The following CAGE1 variants were observed in gnomAD, a reference collection of about 807,000 sequenced individuals.
CAGE1 encodes cancer antigen 1.
In CAGE1, 66 loss-of-function variants were observed where a neutral mutation model predicts 94.9. That is an observed-to-expected ratio of 0.70 (90% CI 0.57 to 0.85). The LOEUF (loss-of-function observed/expected upper bound fraction) is 0.85. CAGE1 is among the 40% of genes least tolerant of loss of function. The pLI is 0.00. For missense variants in CAGE1, 865 were observed against 950.4 expected (o/e 0.91, Z 1.18); for synonymous variants, 319 against 321.0 (o/e 0.99, Z 0.07).
At chr6:7,376,520 G>A (rs1760751274) in intron 4 of CAGE1, among the ~76,000 whole-genome samples, 1 of 152,074 alleles carries the variant, frequency 6.6e-6, no homozygotes, top group Non-Finnish European at 1.5e-5. Flanking sequence ...TGACAGCACA[G>A]AGACCCTCGA....
intron 11 of CAGE1, among the ~76,000 whole-genome samples, chr6:7,352,290 C>CAAAAAAAAAAAACAACAAAAAAAAA (rs1759798360): frequency 6.9e-5 from 3 of 43,642 alleles, no homozygotes; most frequent in Non-Finnish European, 1.7e-4. Flanking sequence ...ACAATAGCTG[C>CAAAAAAAAAAAACAACAAAAAAAAA]AAAAAAAAAA....
At chr6:7,388,636 T>C (rs774078588) in intron 1 of CAGE1, among the ~76,000 whole-genome samples, 1 of 152,238 alleles carries the variant, frequency 6.6e-6, no homozygotes, top group Non-Finnish European at 1.5e-5. Context: ...TTTCAATTTA[T>C]AGTCATTACT....
At chr6:7,328,932 A>T (rs868443326) in intron 13 of CAGE1, among the ~76,000 whole-genome samples, 21,859 of 103,222 alleles carry the variant, frequency 0.21, 2,865 homozygotes, top group East Asian at 0.38. Flanking sequence ...ATATATATAT[A>T]TATTTTTTTT....
chr6:7,351,130 C>A (rs181648556), intron 11 of CAGE1, among the ~76,000 whole-genome samples: 13 of 152,080 alleles, frequency 8.5e-5, no homozygotes, highest in African/African-American at 3.1e-4. Context: ...ACAACTGACA[C>A]CACTGAAATA....
intron 3 of CAGE1, among the ~76,000 whole-genome samples, chr6:7,384,490 G>C (rs528963434): frequency 1.3e-5 from 2 of 151,682 alleles, no homozygotes; most frequent in African/African-American, 4.8e-5. Context: ...TGTAGGGCCC[G>C]GTGTGGTGGC....
chr6:7,376,238 A>C (rs1033282605), intron 4 of CAGE1, among the ~76,000 whole-genome samples: 10 of 151,298 alleles, frequency 6.6e-5, no homozygotes, highest in Non-Finnish European at 1.5e-4. Flanking sequence ...AAATACAAAA[A>C]ATTAGCTGGG....
rs1022018839 is a variant in CAGE1, at chr6:7,344,877, ACT to A, written c.2369+10162_2369+10163del. Among the ~76,000 whole-genome samples, 136 of 152,108 alleles carry A rather than the reference ACT, an allele frequency of 8.9e-4. 1 individual carries two copies. The highest frequency in any genetic ancestry group is 5.6e-3 in the Admixed American group (86 of 15,282). On this transcript the variant is annotated intron_variant, in intron 11 of 13. Transcript: ENST00000502583. Reference sequence around the variant, plus strand: ...GGCCTTGGAGAACCTTTGTGTCGACACTCTGTATCTAGCTAATCTGGTGGGGA... The same window carrying A: ...GGCCTTGGAGAACCTTTGTGTCGACACTGTATCTAGCTAATCTGGTGGGGA...
intron 9 of CAGE1, among the ~76,000 whole-genome samples, chr6:7,360,715 G>C (rs563314682): frequency 6.6e-6 from 1 of 152,084 alleles, no homozygotes; most frequent in African/African-American, 2.4e-5. Context: ...AGGCCAAGGC[G>C]GGTGAATCAC....
At chr6:7,351,520 A>G (rs983352765) in intron 11 of CAGE1, among the ~76,000 whole-genome samples, 2 of 132,164 alleles carry the variant, frequency 1.5e-5, no homozygotes, top group African/African-American at 6.6e-5. Flanking sequence ...CCTAAAACTT[A>G]AAGTATAATA....
chr6:7,388,030 C>A (rs1761185678), intron 1 of CAGE1, among the ~76,000 whole-genome samples: 2 of 45,682 alleles, frequency 4.4e-5, no homozygotes, highest in African/African-American at 6.6e-5. Context: ...AAGACTCCAT[C>A]TCAAAAAAAA....
At chr6:7,354,086 GA>G (rs890448213) in intron 11 of CAGE1, among the ~76,000 whole-genome samples, 4 of 147,432 alleles carry the variant, frequency 2.7e-5, no homozygotes, top group Non-Finnish European at 4.5e-5. Context: ...ATAACCTACG[GA>G]AAAAAAACAA....
At chr6:7,333,591 A>T (rs1054429198) in intron 12 of CAGE1, among the ~76,000 whole-genome samples, 7 of 104,200 alleles carry the variant, frequency 6.7e-5, no homozygotes, top group Non-Finnish European at 8.9e-5. Context: ...AAATTGAGAT[A>T]AGGAAAAGAG....
intron 11 of CAGE1, among the ~76,000 whole-genome samples, chr6:7,345,583 C>T (rs375040331): frequency 9.2e-5 from 14 of 152,288 alleles, no homozygotes; most frequent in South Asian, 4.1e-4. Flanking sequence ...AACAATGTCA[C>T]TAATAGCTTT....
In CAGE1 at chr6:7,339,867, C is replaced by G. The variant is rs1759102634; in HGVS notation, c.2370-5777G>C. On this transcript the variant is annotated intron_variant, in intron 11 of 13. Coordinates refer to ENST00000502583, the MANE Select transcript of CAGE1 (RefSeq NM_001170692.2). The surrounding 1 kb of genome is among the most constrained non-coding windows in gnomAD (Gnocchi z 4.7). ...CATATTTTGGTAATTTCAAATTGTG[C>G]TGCTATAAACATGCATGTGCAAGTA... Among the ~76,000 whole-genome samples the G allele has an allele frequency of 2.0e-5, 3 of 152,184 alleles. No homozygotes were observed.
At chr6:7,379,551 T>C (rs796540175) in intron 3 of CAGE1, among the ~76,000 whole-genome samples, 27 of 152,350 alleles carry the variant, frequency 1.8e-4, no homozygotes, top group African/African-American at 5.0e-4. Flanking sequence ...CTAAATGCTA[T>C]GCTATACTAT....
intron 11 of CAGE1, among the ~76,000 whole-genome samples, chr6:7,346,678 C>T (rs113221240): frequency 0.025 from 3,688 of 148,800 alleles, 79 homozygotes; most frequent in Non-Finnish European, 0.039. Flanking sequence ...AAAACCCTGT[C>T]TCTACTGAAA....
At position 7,339,080 on chromosome 6, in the gene CAGE1, A is replaced by T. The variant is rs1759073568; in HGVS notation, c.2370-4990T>A. The T allele has an allele frequency of 6.3e-7, 1 of 1,599,816 alleles. No homozygotes were observed. Among genetic ancestry groups the T allele is most frequent in the Admixed American group, 1.7e-5 (1 of 59,962 alleles). On this transcript the variant is annotated intron_variant, in intron 11 of 13. Coordinates refer to ENST00000502583, the MANE Select transcript of CAGE1 (RefSeq NM_001170692.2). The surrounding 1 kb of genome is among the most constrained non-coding windows in gnomAD (Gnocchi z 4.7). Reference sequence around the variant, plus strand: ...CAGCAGTGTCAACGTAGTAGTTAACAGGGTCTCTGCTGTGGATCATCAGGC... The same window carrying T: ...CAGCAGTGTCAACGTAGTAGTTAACTGGGTCTCTGCTGTGGATCATCAGGC...
intron 4 of CAGE1, 93 bp downstream of exon 4, chr6:7,378,524 T>C (rs746722821): frequency 2.5e-4 from 279 of 1,122,618 alleles, no homozygotes; most frequent in Non-Finnish European, 3.4e-4. Context: ...ATCACAATCG[T>C]ACCTCCTCTG....
At chr6:7,344,127 AG>A (rs1467549388) in intron 11 of CAGE1, among the ~76,000 whole-genome samples, 1 of 152,164 alleles carries the variant, frequency 6.6e-6, no homozygotes, top group African/African-American at 2.4e-5. Context: ...GCACTTGAGG[AG>A]CCCTTCAGCC....
Sources: allele counts gnomAD v4.1 joint callset (sites outside exome capture counted in the v4.1 genomes callset), GRCh38; gene constraint gnomAD v4.1.1; non-coding constraint Gnocchi (gnomAD v3.1); transcripts MANE v1.5; gene names NCBI Gene and HGNC (gene_info 2026-07-23, HGNC 2026-07-21).